The following PLXDC2 variants were observed in gnomAD, a reference collection of about 807,000 sequenced individuals.
PLXDC2 encodes the protein plexin domain-containing protein 2.
Under a neutral mutation model 68.9 loss-of-function variants are expected in PLXDC2, and 40 were observed. The ratio of observed to expected loss-of-function variants is 0.58; its 90% CI spans 0.45 to 0.76. The LOEUF is 0.76. PLXDC2 is among the 30% of genes least tolerant of loss of function. The pLI is 0.00. For synonymous variants in PLXDC2, 243 were observed against 234.2 expected (o/e 1.04, Z -0.34); for missense variants, 644 against 661.9 (o/e 0.97, Z 0.30).
intron 2 of PLXDC2, among the ~76,000 whole-genome samples, chr10:20,013,950 T>A (rs1281299270): frequency 6.6e-6 from 1 of 152,154 alleles, no homozygotes; most frequent in African/African-American, 2.4e-5. Flanking sequence ...GAAACAACTA[T>A]GAATAAATAC....
chr10:19,839,413 A>G (rs1836863377), intron 1 of PLXDC2, among the ~76,000 whole-genome samples: 1 of 152,162 alleles, frequency 6.6e-6, no homozygotes, highest in African/African-American at 2.4e-5. Flanking sequence ...AGTGAGCTTT[A>G]CGTGTGTCCC....
intron 7 of PLXDC2, among the ~76,000 whole-genome samples, chr10:20,174,210 T>A (rs899666223): frequency 6.6e-6 from 1 of 152,106 alleles, no homozygotes. Context: ...TGATAAGAAC[T>A]TAATTGTTTA....
intron 1 of PLXDC2, among the ~76,000 whole-genome samples, chr10:19,985,460 TA>T (rs1370778406): frequency 6.6e-6 from 1 of 152,224 alleles, no homozygotes; most frequent in Non-Finnish European, 1.5e-5. Context: ...TATTTCCACT[TA>T]GAGAAGTTGC....
At chr10:19,852,555 C>T (rs1005587169) in intron 1 of PLXDC2, among the ~76,000 whole-genome samples, 7 of 138,548 alleles carry the variant, frequency 5.1e-5, no homozygotes, top group African/African-American at 1.9e-4. Flanking sequence ...ATGAGAAATA[C>T]AAATGGATTC....
intron 4 of PLXDC2, among the ~76,000 whole-genome samples, chr10:20,113,698 C>T (rs1350079601): frequency 6.6e-6 from 1 of 152,066 alleles, no homozygotes; most frequent in Non-Finnish European, 1.5e-5. Flanking sequence ...TGTACCCATT[C>T]CCTAGTTTGA....
intron 1 of PLXDC2, among the ~76,000 whole-genome samples, chr10:19,877,426 C>T (rs1014512924): frequency 6.6e-6 from 1 of 152,204 alleles, no homozygotes; most frequent in African/African-American, 2.4e-5. Flanking sequence ...TAGTTGGGCA[C>T]ATGGCTTATT....
At chr10:20,217,767 G>A (rs900614825) in intron 11 of PLXDC2, among the ~76,000 whole-genome samples, 191 bp downstream of exon 11, 2 of 151,988 alleles carry the variant, frequency 1.3e-5, no homozygotes, top group African/African-American at 4.8e-5. Context: ...TGAACTAAAA[G>A]TAAATGCTGG....
intron 13 of PLXDC2, among the ~76,000 whole-genome samples, chr10:20,256,877 A>T (rs1021581908): frequency 1.3e-5 from 2 of 152,220 alleles, no homozygotes; most frequent in Admixed American, 6.5e-5. Flanking sequence ...TCAATTCAAA[A>T]ATTTATCATA....
chr10:20,252,491 G>A (rs368550312), intron 13 of PLXDC2, among the ~76,000 whole-genome samples: 28 of 152,290 alleles, frequency 1.8e-4, no homozygotes, highest in African/African-American at 6.0e-4. Flanking sequence ...TCTATTGGAT[G>A]ATGCTGGTTT....
chr10:20,120,184 G>T (rs1197972028), intron 4 of PLXDC2, among the ~76,000 whole-genome samples: 2 of 152,106 alleles, frequency 1.3e-5, no homozygotes, highest in Non-Finnish European at 2.9e-5. Flanking sequence ...TTTTTTGGGG[G>T]CAGAGTCTAA....
intron 8 of PLXDC2, 41 bp from the exon 9 acceptor site, chr10:20,177,287 G>A (rs775184355): frequency 6.7e-7 from 1 of 1,486,870 alleles, no homozygotes. Flanking sequence ...CCTCCAAGTT[G>A]CCTGTTAGTC....
chr10:20,131,165 A>ATTTT lies in PLXDC2; in HGVS notation c.542-12121_542-12118dup, dbSNP rs35760576. On this transcript the variant is annotated intron_variant, in intron 4 of 13. Transcript: ENST00000377252. ...TACTGATTAAGTCTCTTTACTTGTT[A>ATTTT]TTTTTTTTTTTTCAGATTTTCTATT... is the stretch of plus-strand genomic sequence containing the variant. 4.5e-3 allele frequency among the ~76,000 whole-genome samples: 346 copies of ATTTT among 77,074 alleles called. 3 individuals carry two copies. The highest frequency in any genetic ancestry group is 0.02 in the African/African-American group (326 of 16,168). 50.6% of individuals were successfully genotyped at this position (77,074 alleles called of 152,430 possible).
At chr10:20,262,418 C>A (rs1246067860) in intron 13 of PLXDC2, among the ~76,000 whole-genome samples, 1 of 152,182 alleles carries the variant, frequency 6.6e-6, no homozygotes, top group Non-Finnish European at 1.5e-5. Flanking sequence ...GCCTTAGATA[C>A]TTTGACTTTC....
At chr10:19,901,902 A>G (rs1838166781) in intron 1 of PLXDC2, among the ~76,000 whole-genome samples, 1 of 152,050 alleles carries the variant, frequency 6.6e-6, no homozygotes, top group Non-Finnish European at 1.5e-5. Context: ...TGGCTTTCCA[A>G]TTATCCCAGC....
chr10:20,060,492 A>AGTT (rs1836082106), intron 3 of PLXDC2, among the ~76,000 whole-genome samples: 1 of 7,024 alleles, frequency 1.4e-4, no homozygotes, highest in Admixed American at 1.7e-3. Flanking sequence ...GAATGTTAAA[A>AGTT]AAAAAAAAAA....
Position 19,816,936 on chromosome 10 carries a change from T to C in PLXDC2, c.-144T>C. ...TCTTCCTCTTCTCGGTTCCCTACTG[T>C]GAAATCGCAGCGACATTTACAAAGG... On this transcript the variant is annotated 5_prime_UTR_variant, in exon 1 of 14. Coordinates refer to ENST00000377252, the MANE Select transcript of PLXDC2 (RefSeq NM_032812.9). 1 of 623,250 alleles carries C rather than the reference T, an allele frequency of 1.6e-6. No homozygotes were observed. Among genetic ancestry groups the C allele is most frequent in the Non-Finnish European group, 2.8e-6 (1 of 355,420 alleles). The allele number at this position is 623,250 out of a possible 1,614,324, so 38.6% of individuals were successfully genotyped here.
chr10:20,052,593 T>C (rs1352202624), intron 3 of PLXDC2, among the ~76,000 whole-genome samples: 1 of 151,746 alleles, frequency 6.6e-6, no homozygotes, highest in African/African-American at 2.4e-5. Context: ...CATGAAAAGC[T>C]CTCTGGTAAT....
At chr10:20,142,273 A>G (rs1391146457) in intron 4 of PLXDC2, among the ~76,000 whole-genome samples, 1 of 152,106 alleles carries the variant, frequency 6.6e-6, no homozygotes, top group Non-Finnish European at 1.5e-5. Flanking sequence ...CGGGTATCTA[A>G]TTAACTGATG....
chr10:20,105,642 C>G (rs1284708104), intron 4 of PLXDC2, among the ~76,000 whole-genome samples: 1 of 152,142 alleles, frequency 6.6e-6, no homozygotes, highest in Admixed American at 6.5e-5. Flanking sequence ...AGTCTCTCCT[C>G]CTGCCCCCTA....
Sources: gnomAD v4.1 joint callset for allele counts (sites outside exome capture counted in the v4.1 genomes callset) on GRCh38, gnomAD v4.1.1 for gene constraint, MANE v1.5 for transcripts, NCBI Gene and HGNC (gene_info 2026-07-23, HGNC 2026-07-21) for gene names.